Variants in ASMT observed in about 807,000 individuals in gnomAD.
ASMT encodes acetylserotonin O-methyltransferase.
A neutral mutation model predicts 41.3 loss-of-function variants in ASMT; 53 were observed. The observed-to-expected ratio is 1.28, with a 90% confidence interval of 1.03 to 1.61. The LOEUF is 1.61. ASMT is among the 40% of genes most tolerant of loss of function. ASMT has a pLI of 0.00. For synonymous variants in ASMT, 231 were observed against 184.8 expected (o/e 1.25, Z -2.03); for missense variants, 531 against 441.3 (o/e 1.20, Z -1.82).
chrX:1,629,124 G>T (rs1436609544), intron 4 of ASMT, among the ~76,000 whole-genome samples: 1 of 150,312 alleles, frequency 6.7e-6, no homozygotes, highest in Non-Finnish European at 1.5e-5. Context: ...ATGTGTATGT[G>T]AATATATGTA....
rs148543648 is a variant in ASMT at position 1,624,360 on chromosome X, C to A, written c.336C>A (p.Thr112=). 1.2e-6 allele frequency: 2 copies of A among 1,613,724 alleles called. No individual in the cohort carries two copies. Among genetic ancestry groups the A allele is most frequent in the Admixed American group, 1.7e-5 (1 of 59,992 alleles). ...QCSMLKYMGR[T]SYRCWGHLAD... ...GCATGCTGAAGTACATGGGCAGGACCAGCTACCGGTGCTGGGGCCACCTGG... is the reference window on the plus strand; with the variant it reads ...GCATGCTGAAGTACATGGGCAGGACAAGCTACCGGTGCTGGGGCCACCTGG... The change falls in exon 3 of 9, where the codon ACC becomes ACA. Residue 112 remains threonine, a synonymous_variant. Coordinates refer to ENST00000381241, the MANE Select transcript of ASMT (RefSeq NM_001171038.2).
intron 4 of ASMT, among the ~76,000 whole-genome samples, chrX:1,629,143 G>C (rs1185375298): frequency 6.6e-6 from 1 of 151,406 alleles, no homozygotes; most frequent in African/African-American, 2.4e-5. Context: ...TATCTGTTTA[G>C]GGGGCACAAG....
Position 1,629,260 on chromosome X carries a change from C to T in ASMT, c.444-561C>T, listed in dbSNP as rs761973652. ...ACCTAAGAGGCAATTTTTCAGCCCT[C>T]GCTACTCTGAGGCAAACCCCTACAG... On this transcript the variant is annotated intron_variant, in intron 4 of 8. Transcript: ENST00000381241. Among the ~76,000 whole-genome samples the T allele has an allele frequency of 4.5e-4, 68 of 152,236 alleles. No individual in the cohort carries two copies. The East Asian group carries it at 0.011, about 25-fold the overall frequency.
chrX:1,635,706 A>C (rs1246301698), intron 7 of ASMT, among the ~76,000 whole-genome samples: 17 of 151,810 alleles, frequency 1.1e-4, no homozygotes, highest in Non-Finnish European at 2.2e-4. Context: ...TACTAAAAAT[A>C]CAAAAATTAG....
intron 5 of ASMT, among the ~76,000 whole-genome samples, chrX:1,631,537 C>G (rs1934776469): frequency 6.6e-6 from 1 of 152,118 alleles, no homozygotes; most frequent in African/African-American, 2.4e-5. Context: ...GGAGCTTCTC[C>G]AAGTTTATTA....
chrX:1,630,300 ATTTTTTTTT>A (rs36011956), intron 5 of ASMT, among the ~76,000 whole-genome samples: 2 of 71,096 alleles, frequency 2.8e-5, no homozygotes, highest in South Asian at 6.1e-4. Context: ...CACCAGGCTA[ATTTTTTTTT>A]TTTTTTTTTT....
At chrX:1,616,954 C>T (rs1245537199) in intron 1 of ASMT, among the ~76,000 whole-genome samples, 22 of 152,026 alleles carry the variant, frequency 1.4e-4, no homozygotes, top group South Asian at 1.0e-3. Flanking sequence ...ATGATCCGCC[C>T]GCCTCGGCCT....
intron 6 of ASMT, 56 bp from the exon 7 acceptor site, chrX:1,633,094 G>C: frequency 6.2e-7 from 1 of 1,610,100 alleles, no homozygotes; most frequent in East Asian, 2.2e-5. Context: ...TGTGGAGGGT[G>C]AGCGATGTCT....
chrX:1,633,305 G>C lies in ASMT; in HGVS notation c.787+15G>C, dbSNP rs774707989. On this transcript the variant is annotated intron_variant, in intron 7 of 8. Transcript: ENST00000381241. ...CTTCCAGGAAGGTGTGTTTGTGTCC[G>C]TGGGGAAGCAGAGATGTGTCTCACG... 2 of 1,613,752 alleles carry C rather than the reference G, an allele frequency of 1.2e-6. No homozygotes were observed. The highest frequency in any genetic ancestry group is 2.2e-5 in the South Asian group (2 of 91,064).
intron 8 of ASMT, among the ~76,000 whole-genome samples, chrX:1,642,095 G>C (rs1935202849): frequency 7.6e-6 from 1 of 132,268 alleles, no homozygotes; most frequent in South Asian, 2.4e-4. Flanking sequence ...CAGCCTCTGT[G>C]TGTGTGTGTG....
intron 4 of ASMT, among the ~76,000 whole-genome samples, chrX:1,628,195 C>A (rs1225535326): frequency 2.6e-5 from 4 of 152,168 alleles, no homozygotes; most frequent in Admixed American, 6.6e-5. Context: ...GTGGCGGACG[C>A]CTGTAATCCC....
At position 1,642,091 on chromosome X, in the gene ASMT, CTGTGTG is replaced by C. The variant is rs1174897365; in HGVS notation, c.911-701_911-696del. Reference sequence around the variant, plus strand: ...GCCCATGAGGATGTGGGCACAGCCTCTGTGTGTGTGTGTGTGATGGGGACGGTGTCC... The same window carrying C: ...GCCCATGAGGATGTGGGCACAGCCTCTGTGTGTGTGATGGGGACGGTGTCC... On this transcript the variant is annotated intron_variant, in intron 8 of 8. Coordinates refer to ENST00000381241, the MANE Select transcript of ASMT (RefSeq NM_001171038.2). Among the ~76,000 whole-genome samples the C allele has an allele frequency of 1.1e-4, 16 of 139,460 alleles. No individual in the cohort carries two copies. The East Asian group carries it at 2.0e-3, about 18-fold the overall frequency. The allele number at this position is 139,460 out of a possible 152,430, so 91.5% of individuals were successfully genotyped here.
chrX:1,615,090 C>A lies in ASMT; in HGVS notation c.-110C>A. On this transcript the variant is annotated 5_prime_UTR_variant, in exon 1 of 9. Coordinates refer to ENST00000381241, the MANE Select transcript of ASMT (RefSeq NM_001171038.2). ...GTACTGGGCAGGCAGCAGGGAGAGT[C>A]AGGCAGCAGCTGTGAGCGGGTGGCT... 4 of 887,724 alleles carry A rather than the reference C, an allele frequency of 4.5e-6. No homozygotes were observed. The highest frequency in any genetic ancestry group is 1.4e-5 in the South Asian group (1 of 71,120). The allele number at this position is 887,724 out of a possible 1,614,324, so 55.0% of individuals were successfully genotyped here.
chrX:1,615,228 G>C lies in ASMT; in HGVS notation c.29G>C (p.Arg10Pro), dbSNP rs763888040. The C allele has an allele frequency of 3.1e-6, 5 of 1,598,500 alleles. No homozygotes were observed. Among genetic ancestry groups the C allele is most frequent in the Admixed American group, 1.7e-5 (1 of 57,498 alleles). ...GGATCCTCAGAGGACCAGGCCTATC[G>C]CCTCCTTAATGACTACGCCAACGGC... MGSSEDQAYRLLNDYANGFM... is the reference protein window; with the variant it reads MGSSEDQAYPLLNDYANGFM... Residue 10 changes from arginine (R) to proline (P), a missense_variant, in exon 1 of 9, where the codon CGC becomes CCC. By Grantham distance (103) the Arg-to-Pro change is moderately radical (BLOSUM62 -2). Coordinates refer to ENST00000381241, the MANE Select transcript of ASMT (RefSeq NM_001171038.2).
intron 7 of ASMT, among the ~76,000 whole-genome samples, chrX:1,634,062 C>A (rs866158370): frequency 8.3e-5 from 12 of 144,334 alleles, no homozygotes; most frequent in Admixed American, 6.8e-5. Context: ...CGTGAGCCAC[C>A]GCACCCAGCC....
intron 7 of ASMT, among the ~76,000 whole-genome samples, chrX:1,633,831 A>C (rs1934864676): frequency 6.6e-6 from 1 of 152,010 alleles, no homozygotes; most frequent in African/African-American, 2.4e-5. Flanking sequence ...GTAGAGGTGG[A>C]GTTTCACTGT....
At chrX:1,615,414 A>G in intron 1 of ASMT, 146 bp downstream of exon 1, 2 of 847,524 alleles carry the variant, frequency 2.4e-6, no homozygotes, top group Non-Finnish European at 3.9e-6. Flanking sequence ...CCCACGATGT[A>G]GCCTCAGGAG....
intron 8 of ASMT, among the ~76,000 whole-genome samples, chrX:1,642,038 T>C (rs1308844182): frequency 6.9e-6 from 1 of 145,908 alleles, no homozygotes; most frequent in Non-Finnish European, 1.5e-5. Flanking sequence ...AGCATCCCAG[T>C]GTCCTGTGAG....
intron 3 of ASMT, among the ~76,000 whole-genome samples, chrX:1,625,542 AAGGGAGGGAGGGAGGG>A (rs1209503614): frequency 5.9e-5 from 4 of 68,238 alleles, no homozygotes; most frequent in Admixed American, 1.7e-4. Flanking sequence ...GGAAGGAAGG[AAGGGAGGGAGGGAGGG>A]AGGGAGGGAG....
Sources: allele counts gnomAD v4.1 joint callset (sites outside exome capture counted in the v4.1 genomes callset), GRCh38; gene constraint gnomAD v4.1.1; transcripts MANE v1.5; gene names NCBI Gene and HGNC (gene_info 2026-07-23, HGNC 2026-07-21).